MYO7B: variants seen among roughly 807,000 people sequenced by gnomAD.
MYO7B encodes unconventional myosin-VIIb.
In MYO7B, 212 loss-of-function variants were observed where a neutral mutation model predicts 259.7. The observed-to-expected ratio is 0.82, with a 90% CI of 0.73 to 0.91. MYO7B has a LOEUF of 0.91. Among genes scored for constraint, MYO7B ranks in the 40% least tolerant of loss-of-function variants. MYO7B has a pLI of 0.00. For synonymous variants in MYO7B, 1,197 were observed against 1,166.4 expected, an observed-to-expected ratio of 1.03 and a Z score of -0.54; for missense variants, 2,732 against 2,813.5, an observed-to-expected ratio of 0.97 and a Z score of 0.66.
intron 2 of MYO7B, among the ~76,000 whole-genome samples, chr2:127,562,066 C>G (rs1678111558): frequency 6.6e-6 from 1 of 152,014 alleles, no homozygotes; most frequent in South Asian, 2.1e-4. Context: ...ACTCTGGTGC[C>G]TCTTCCTTTT....
intron 1 of MYO7B, among the ~76,000 whole-genome samples, chr2:127,543,071 T>C (rs1356838318): frequency 6.6e-6 from 1 of 152,158 alleles, no homozygotes; most frequent in Non-Finnish European, 1.5e-5. Flanking sequence ...TCCTCTTATC[T>C]CAACTGCAAA....
At position 127,613,760 on chromosome 2, in the gene MYO7B, T is replaced by G. The variant is rs1680471398; in HGVS notation, c.3398+1157T>G. On this transcript the variant is annotated intron_variant, in intron 26 of 47. Coordinates refer to ENST00000409816, the MANE Select transcript of MYO7B (RefSeq NM_001393586.1). The surrounding 1 kb of genome is among the most constrained non-coding windows in gnomAD (Gnocchi z 4.3). ...TGTTTTAGGAGGCAACTACCTTGGCTGGACTCAAACTCTGTCTCCTCCATG... is the reference window on the plus strand; with the variant it reads ...TGTTTTAGGAGGCAACTACCTTGGCGGGACTCAAACTCTGTCTCCTCCATG... Among the ~76,000 whole-genome samples the G allele has an allele frequency of 6.6e-6, 1 of 152,240 alleles. No homozygotes were observed. The highest frequency in any genetic ancestry group is 2.4e-5 in the African/African-American group (1 of 41,456).
chr2:127,545,371 C>T lies in MYO7B; in HGVS notation c.-24+9540C>T, dbSNP rs568333587. 1.2e-4 allele frequency among the ~76,000 whole-genome samples: 19 copies of T among 152,336 alleles called. No homozygotes were observed. The South Asian group carries it at 3.7e-3, about 30-fold the overall frequency. Reference sequence around the variant, plus strand: ...CAGCAGCGGGCCTCCTGGGTGGGCCCACTGTGCTGCCCAGGGGCCCCCTCC... The same window carrying T: ...CAGCAGCGGGCCTCCTGGGTGGGCCTACTGTGCTGCCCAGGGGCCCCCTCC... On this transcript the variant is annotated intron_variant, in intron 1 of 47. Transcript: ENST00000409816.
chr2:127,566,159 G>T (rs1678330983), intron 4 of MYO7B, among the ~76,000 whole-genome samples: 1 of 152,218 alleles, frequency 6.6e-6, no homozygotes, highest in Admixed American at 6.5e-5. Flanking sequence ...TATTGTGCAG[G>T]CTCTGCCTGC....
chr2:127,637,245 TG>T, intron 47 of MYO7B, 70 bp from the exon 48 acceptor site: 1 of 1,158,022 alleles, frequency 8.6e-7, no homozygotes, highest in Non-Finnish European at 1.3e-6. Flanking sequence ...GAAGAGAAGG[TG>T]GTCCCTGAGT....
intron 30 of MYO7B, among the ~76,000 whole-genome samples, chr2:127,624,850 G>A (rs1056267610): frequency 2.6e-5 from 4 of 152,230 alleles, no homozygotes; most frequent in African/African-American, 9.6e-5. Flanking sequence ...AACCCTCCCT[G>A]TGCCAAGTCA....
At chr2:127,619,548 G>T (rs904844439) in intron 26 of MYO7B, among the ~76,000 whole-genome samples, 1 of 152,110 alleles carries the variant, frequency 6.6e-6, no homozygotes, top group Non-Finnish European at 1.5e-5. Flanking sequence ...CAGAGAGCCA[G>T]CCATGCACAT....
At chr2:127,574,097 G>A (rs1335655220) in intron 7 of MYO7B, 35 bp downstream of exon 7, 3 of 1,611,510 alleles carry the variant, frequency 1.9e-6, no homozygotes, top group East Asian at 4.5e-5. Flanking sequence ...GGGAGTTGAG[G>A]GAATGGGGGA....
rs939781324 is a variant in MYO7B at position 127,597,613 on chromosome 2, A to G, written c.2339+1057A>G. 1.1e-5 allele frequency among the ~76,000 whole-genome samples: 1 copy of G among 88,638 alleles called. No homozygotes were observed. Among genetic ancestry groups the G allele is most frequent in the Non-Finnish European group, 2.6e-5 (1 of 38,764 alleles). The allele number at this position is 88,638 out of a possible 152,430, so 58.1% of individuals were successfully genotyped here. ...CATCCAGGTTATTGCTTGCATTAAT[A>G]TTTATTTATTTATTTATTTATTTAT... is the stretch of plus-strand genomic sequence containing the variant. On this transcript the variant is annotated intron_variant, in intron 19 of 47. Transcript: ENST00000409816. The surrounding 1 kb of genome is among the most constrained non-coding windows in gnomAD (Gnocchi z 4.8).
At chr2:127,547,974 C>T (rs1428520089) in intron 1 of MYO7B, among the ~76,000 whole-genome samples, 1 of 152,122 alleles carries the variant, frequency 6.6e-6, no homozygotes, top group Admixed American at 6.5e-5. Flanking sequence ...TGAAAGGTTG[C>T]CAATCATTGA....
chr2:127,610,096 A>G (rs1220287331), intron 24 of MYO7B, 80 bp downstream of exon 24: 4 of 1,537,396 alleles, frequency 2.6e-6, no homozygotes, highest in African/African-American at 1.4e-5. Flanking sequence ...GGGCAGCTGG[A>G]CAGGACGGAG....
In MYO7B at chr2:127,565,221, C is replaced by G. The variant is rs767922707; in HGVS notation, c.133-12C>G. On this transcript the variant is annotated splice_polypyrimidine_tract_variant and intron_variant, in intron 3 of 47. Transcript: ENST00000409816. ...GGCCACCCCTCAGGGGAGTCTGCAC[C>G]CATTGTTCCAGGAACACTGGATCCG... is the stretch of plus-strand genomic sequence containing the variant. The G allele has an allele frequency of 1.4e-5, 23 of 1,612,546 alleles. No individual in the cohort carries two copies. The highest frequency in any genetic ancestry group is 2.0e-5 in the Non-Finnish European group (23 of 1,179,138).
intron 18 of MYO7B, 138 bp downstream of exon 18, chr2:127,593,782 C>A (rs752353196): frequency 5.5e-5 from 41 of 741,978 alleles, no homozygotes; most frequent in Non-Finnish European, 9.0e-5. Context: ...GTGGTCCCCA[C>A]CCTCAGGGCA....
At chr2:127,634,974 T>C in intron 42 of MYO7B, 146 bp from the exon 43 acceptor site, 1 of 702,266 alleles carries the variant, frequency 1.4e-6, no homozygotes, top group Non-Finnish European at 2.5e-6. Flanking sequence ...ACACTAATAT[T>C]GAAGGAAAAT....
rs202145584 is a variant in MYO7B at position 127,636,496 on chromosome 2, A to C, written c.6124-49A>C. The stretch of plus-strand genomic sequence containing the variant: ...GCCTAGATGAGCTCCTGGGAGGTGC[A>C]GCCTGGCCTCCCGGGCTGGACTATG... On this transcript the variant is annotated intron_variant, in intron 45 of 47. Coordinates refer to ENST00000409816, the MANE Select transcript of MYO7B (RefSeq NM_001393586.1). This position sits in a 1 kb window ranked among gnomAD's most constrained non-coding sequence, Gnocchi z 4.5. The C allele has an allele frequency of 3.8e-6, 6 of 1,561,006 alleles. No individual in the cohort carries two copies. Among genetic ancestry groups the C allele is most frequent in the Non-Finnish European group, 4.4e-6 (5 of 1,145,030 alleles).
intron 31 of MYO7B, chr2:127,626,705 G>T (rs11892701): frequency 2.3e-4 from 78 of 333,724 alleles, no homozygotes; most frequent in African/African-American, 1.6e-3. Flanking sequence ...CTTGAACTCG[G>T]GAGGCGGAGC....
rs755945906 is a variant in MYO7B at position 127,637,320 on chromosome 2, A to C, written c.6332A>C (p.Tyr2111Ser). ...SRLLCETSLG[Y>S]KMDDLLTSYV... ...ACCCCCCCGTCCCCTGTCCAGGGCT[A>C]TAAGATGGATGACCTGCTGACCTCA... The change falls in exon 48 of 48, where the codon TAT (tyrosine) becomes TCT (serine). Residue 2111 changes from tyrosine to serine, a missense_variant. Physicochemically the swap from Tyr to Ser is moderately radical, Grantham distance 144 (BLOSUM62 -2). Around this residue, in one of 3 missense-constraint regions of MYO7B, gnomAD observed 821 missense variants for 769.3 expected, o/e 1.07. Coordinates refer to ENST00000409816, the MANE Select transcript of MYO7B (RefSeq NM_001393586.1). 2 of 1,582,210 alleles carry C rather than the reference A, an allele frequency of 1.3e-6. No homozygotes were observed. Among genetic ancestry groups the C allele is most frequent in the Non-Finnish European group, 1.7e-6 (2 of 1,163,902 alleles).
intron 40 of MYO7B, 79 bp from the exon 41 acceptor site, chr2:127,634,097 G>A (rs905615622): frequency 2.2e-4 from 256 of 1,161,146 alleles, no homozygotes; most frequent in Middle Eastern, 1.7e-3. Context: ...GAGCAAAAGT[G>A]CCAGGCTAGG....
At chr2:127,601,855 T>A (rs1679974497) in intron 19 of MYO7B, among the ~76,000 whole-genome samples, 2 of 152,216 alleles carry the variant, frequency 1.3e-5, no homozygotes, top group South Asian at 2.1e-4. Flanking sequence ...CGAATATCAT[T>A]GTTCCCTTCA....
Sources: allele counts gnomAD v4.1 joint callset (sites outside exome capture counted in the v4.1 genomes callset), GRCh38; gene constraint gnomAD v4.1.1; regional missense constraint gnomAD v4.1.1; non-coding constraint Gnocchi (gnomAD v3.1); transcripts MANE v1.5; gene names NCBI Gene and HGNC (gene_info 2026-07-23, HGNC 2026-07-21).